The following SLC37A3 variants were observed in gnomAD, a reference collection of about 807,000 sequenced individuals.
SLC37A3 encodes sugar phosphate exchanger 3.
SLC37A3 carries 51 observed loss-of-function variants against 67.1 expected under a neutral mutation model. The observed-to-expected ratio is 0.76, with a 90% confidence interval of 0.61 to 0.96. The LOEUF is 0.96. Among genes scored for constraint, SLC37A3 ranks in the 40% least tolerant of loss-of-function variants. The pLI is 0.00. For synonymous variants in SLC37A3, 214 were observed against 231.4 expected (o/e 0.92, Z 0.68); for missense variants, 508 against 603.0 (o/e 0.84, Z 1.65).
intron 6 of SLC37A3, 70 bp downstream of exon 6, chr7:140,358,570 T>C (rs1318474940): frequency 8.8e-6 from 14 of 1,598,548 alleles, no homozygotes; most frequent in Admixed American, 3.4e-5. Context: ...TAACTGACTT[T>C]GACAAGTCTG....
At chr7:140,362,445 GC>G (rs1761945957) in intron 5 of SLC37A3, among the ~76,000 whole-genome samples, 2 of 140,880 alleles carry the variant, frequency 1.4e-5, no homozygotes, top group African/African-American at 5.3e-5. Flanking sequence ...CCCCCGCCCG[GC>G]CAGCCGCCCC....
chr7:140,337,098 C>CAA (rs1172096190), intron 14 of SLC37A3, among the ~76,000 whole-genome samples, 186 bp downstream of exon 14: 1,785 of 69,464 alleles, frequency 0.026, 67 homozygotes, highest in South Asian at 0.053. Flanking sequence ...GACTCTGCCT[C>CAA]AAAAAAAAAA....
At chr7:140,394,956 G>A (rs1798861052) in intron 1 of SLC37A3, among the ~76,000 whole-genome samples, 1 of 151,926 alleles carries the variant, frequency 6.6e-6, no homozygotes, top group Admixed American at 6.6e-5. Flanking sequence ...ACGATGGAGT[G>A]CACATTCCAA....
At chr7:140,392,340 C>G (rs1798754840) in intron 1 of SLC37A3, among the ~76,000 whole-genome samples, 1 of 152,166 alleles carries the variant, frequency 6.6e-6, no homozygotes, top group African/African-American at 2.4e-5. Flanking sequence ...GCCTTTACTT[C>G]TTTTCCCTTA....
In SLC37A3 at chr7:140,362,946, G is replaced by A. The variant is rs1198459724; in HGVS notation, c.375+1462C>T. On this transcript the variant is annotated intron_variant, in intron 5 of 14. Transcript: ENST00000326232. Reference sequence around the variant, plus strand: ...CCGCCCTGTCCGGGAGGGAGGTGGCGGGGTCAGCCCCCCGCCCAGCCGGCC... The same window carrying A: ...CCGCCCTGTCCGGGAGGGAGGTGGCAGGGTCAGCCCCCCGCCCAGCCGGCC... 7.7e-5 allele frequency among the ~76,000 whole-genome samples: 5 copies of A among 64,740 alleles called. 1 individual carries two copies. Among genetic ancestry groups the A allele is most frequent in the Non-Finnish European group, 1.8e-4 (5 of 27,442 alleles). 42.5% of individuals were successfully genotyped at this position (64,740 alleles called of 152,430 possible).
chr7:140,380,504 G>A (rs1798209884), intron 2 of SLC37A3, 114 bp from the exon 3 acceptor site: 2 of 706,056 alleles, frequency 2.8e-6, no homozygotes, highest in South Asian at 3.6e-5. Flanking sequence ...TATTTGGTGG[G>A]CAGCCACCTG....
chr7:140,378,881 T>C (rs1798135651), intron 3 of SLC37A3, among the ~76,000 whole-genome samples: 2 of 150,236 alleles, frequency 1.3e-5, no homozygotes, highest in African/African-American at 4.9e-5. Context: ...ACCCCTTCTC[T>C]ACTAAAAATA....
In SLC37A3 at chr7:140,362,881, C is replaced by T. The variant is rs1399032596; in HGVS notation, c.375+1527G>A. ...CGAGGAGCCCCTCTGCCCGGCCAGCCGCCCCGTCCGGGAGGGAGGCGGGGG... is the reference window on the plus strand; with the variant it reads ...CGAGGAGCCCCTCTGCCCGGCCAGCTGCCCCGTCCGGGAGGGAGGCGGGGG... On this transcript the variant is annotated intron_variant, in intron 5 of 14. Coordinates refer to ENST00000326232, the MANE Select transcript of SLC37A3 (RefSeq NM_207113.3). 6.6e-5 allele frequency among the ~76,000 whole-genome samples: 4 copies of T among 60,846 alleles called. 1 individual carries two copies. The East Asian group carries it at 1.8e-3, about 27-fold the overall frequency. 39.9% of individuals were successfully genotyped at this position (60,846 alleles called of 152,430 possible). A position where few individuals can be genotyped will look rare whatever the true frequency, so the allele number is the denominator to read the frequency against.
At chr7:140,350,829 C>T (rs963951592) in intron 9 of SLC37A3, among the ~76,000 whole-genome samples, 1 of 152,112 alleles carries the variant, frequency 6.6e-6, no homozygotes, top group Non-Finnish European at 1.5e-5. Flanking sequence ...ATTCACAACC[C>T]TTCTTCTTGG....
chr7:140,382,046 T>A (rs78665694), intron 2 of SLC37A3, among the ~76,000 whole-genome samples: 2,488 of 144,526 alleles, frequency 0.017, 29 homozygotes, highest in Non-Finnish European at 0.025. Context: ...ATATGTTTTT[T>A]AAAAAAAAAA....
chr7:140,362,149 GC>G (rs1797338520), intron 5 of SLC37A3, among the ~76,000 whole-genome samples: 1 of 139,608 alleles, frequency 7.2e-6, no homozygotes, highest in Non-Finnish European at 1.6e-5. Flanking sequence ...AGCGAGGAGC[GC>G]CTCTTCCCCG....
In SLC37A3 at chr7:140,385,154, T is replaced by C. The variant is rs537709456; in HGVS notation, c.-70-2558A>G. On this transcript the variant is annotated intron_variant, in intron 1 of 14. Coordinates refer to ENST00000326232, the MANE Select transcript of SLC37A3 (RefSeq NM_207113.3). ...AGAGTTGTAAGGCTAAAAGTAACAATGTATGTGACATATTCAGATAATTAT... is the reference window on the plus strand; with the variant it reads ...AGAGTTGTAAGGCTAAAAGTAACAACGTATGTGACATATTCAGATAATTAT... Among the ~76,000 whole-genome samples, 4 of 152,322 alleles carry C rather than the reference T, an allele frequency of 2.6e-5. No individual in the cohort carries two copies. In the South Asian group the frequency reaches 8.3e-4, roughly 32 times the overall value.
chr7:140,361,687 T>A (rs1419081470), intron 5 of SLC37A3, among the ~76,000 whole-genome samples: 2 of 150,376 alleles, frequency 1.3e-5, no homozygotes, highest in Non-Finnish European at 3.0e-5. Flanking sequence ...TGCCTGCGAT[T>A]GCAGGCGCGC....
At chr7:140,358,883 A>G (rs1585294729) in intron 5 of SLC37A3, 98 bp from the exon 6 acceptor site, 1 of 1,439,364 alleles carries the variant, frequency 6.9e-7, no homozygotes, top group East Asian at 2.3e-5. Flanking sequence ...GACCACGTGA[A>G]GGATACACTC....
intron 10 of SLC37A3, among the ~76,000 whole-genome samples, chr7:140,346,813 G>C (rs150659123): frequency 0.039 from 5,966 of 152,264 alleles, 392 homozygotes; most frequent in African/African-American, 0.13. Context: ...AGGATGGCTT[G>C]AGCCCAGGAG....
chr7:140,362,764 G>A lies in SLC37A3; in HGVS notation c.375+1644C>T, dbSNP rs866607460. On this transcript the variant is annotated intron_variant, in intron 5 of 14. Coordinates refer to ENST00000326232, the MANE Select transcript of SLC37A3 (RefSeq NM_207113.3). The stretch of plus-strand genomic sequence containing the variant: ...CCCCACCCGGCCAGCCGCCCCGTCC[G>A]GGAGGGAGGTGGGGGGATCAGCCCC... Among the ~76,000 whole-genome samples, 101 of 92,642 alleles carry A rather than the reference G, an allele frequency of 1.1e-3. 3 individuals carry two copies. The highest frequency in any genetic ancestry group is 3.5e-3 in the African/African-American group (86 of 24,744). The allele number at this position is 92,642 out of a possible 152,430, so 60.8% of individuals were successfully genotyped here. A position where few individuals can be genotyped will look rare whatever the true frequency, so the allele number is the denominator to read the frequency against.
chr7:140,352,969 C>G (rs1254573622), intron 7 of SLC37A3, among the ~76,000 whole-genome samples: 3 of 152,102 alleles, frequency 2.0e-5, no homozygotes, highest in African/African-American at 7.2e-5. Context: ...AAATTTTCAT[C>G]TGAACCAACT....
Position 140,357,598 on chromosome 7 carries a change from G to C in SLC37A3, c.521+1042C>G, listed in dbSNP as rs6957966. 6.9e-3 allele frequency among the ~76,000 whole-genome samples: 1,042 copies of C among 150,978 alleles called. 10 individuals are homozygous for C. Among genetic ancestry groups the C allele is most frequent in the African/African-American group, 0.024 (984 of 41,170 alleles). ...AAAAAAAAGATGACTCAAAAAAAGA[G>C]TACATACTGTATGATTCCATTTATA... is the stretch of plus-strand genomic sequence containing the variant. On this transcript the variant is annotated intron_variant, in intron 6 of 14. Transcript: ENST00000326232.
At chr7:140,396,375 C>A (rs9640466) in intron 1 of SLC37A3, among the ~76,000 whole-genome samples, 1 of 152,010 alleles carries the variant, frequency 6.6e-6, no homozygotes, top group Non-Finnish European at 1.5e-5. Flanking sequence ...TTTACTTGAA[C>A]CTCATAAATC....
Sources: gnomAD v4.1 joint callset for allele counts (sites outside exome capture counted in the v4.1 genomes callset) on GRCh38, gnomAD v4.1.1 for gene constraint, MANE v1.5 for transcripts, NCBI Gene and HGNC (gene_info 2026-07-23, HGNC 2026-07-21) for gene names.